Variants in TMEM163 observed in about 807,000 individuals in gnomAD.
TMEM163 encodes the protein transmembrane protein 163.
Under a neutral mutation model 29.3 loss-of-function variants are expected in TMEM163, and 17 were observed. The ratio of observed to expected loss-of-function variants is 0.58; its 90% CI spans 0.40 to 0.87. The LOEUF is 0.87. Among genes scored for constraint, TMEM163 ranks in the 40% least tolerant of loss-of-function variants. TMEM163 has a pLI of 0.00. For synonymous variants in TMEM163, 157 were observed against 160.6 expected (o/e 0.98, Z 0.17); for missense variants, 303 against 381.5 (o/e 0.79, Z 1.71).
intron 2 of TMEM163, among the ~76,000 whole-genome samples, chr2:134,588,629 C>T (rs532728638): frequency 6.6e-6 from 1 of 152,228 alleles, no homozygotes; most frequent in East Asian, 1.9e-4. Context: ...TATTAGATGC[C>T]TGCTCTATAC....
intron 2 of TMEM163, among the ~76,000 whole-genome samples, chr2:134,674,501 G>A (rs549344848): frequency 3.3e-4 from 29 of 87,310 alleles, no homozygotes; most frequent in South Asian, 1.1e-3. Context: ...GCGCGCGCGC[G>A]CGCGCGCGCT....
rs1256979360 is a variant in TMEM163, at chr2:134,565,430, A to G, written c.323-13339T>C. Among the ~76,000 whole-genome samples, 3 of 151,902 alleles carry G rather than the reference A, an allele frequency of 2.0e-5. No homozygotes were observed. In the South Asian group the frequency reaches 6.2e-4, roughly 32 times the overall value. ...AGACCAGCCTGGCCAACATGGTGAA[A>G]CCTCGTCTCTACTGAAAATACAAAA... On this transcript the variant is annotated intron_variant, in intron 2 of 7. Coordinates refer to ENST00000281924, the MANE Select transcript of TMEM163 (RefSeq NM_030923.5).
At chr2:134,657,515 A>T (rs767141389) in intron 2 of TMEM163, among the ~76,000 whole-genome samples, 4 of 151,760 alleles carry the variant, frequency 2.6e-5, no homozygotes, top group Admixed American at 6.5e-5. Context: ...AAAGATGGGA[A>T]CAACAGGCTG....
intron 5 of TMEM163, among the ~76,000 whole-genome samples, chr2:134,470,882 C>A (rs1467521518): frequency 2.6e-5 from 4 of 152,238 alleles, no homozygotes; most frequent in African/African-American, 9.6e-5. Flanking sequence ...CTCAAGACAT[C>A]AGTACCTGGC....
intron 2 of TMEM163, among the ~76,000 whole-genome samples, chr2:134,640,305 G>A (rs1013766593): frequency 6.6e-6 from 1 of 151,624 alleles, no homozygotes; most frequent in East Asian, 1.9e-4. Context: ...CTCCCCTCAC[G>A]CCCAACCCCA....
At chr2:134,663,038 G>A (rs975891544) in intron 2 of TMEM163, among the ~76,000 whole-genome samples, 2 of 152,178 alleles carry the variant, frequency 1.3e-5, no homozygotes, top group Non-Finnish European at 2.9e-5. Context: ...CTTGAGTTGG[G>A]TCTGCAGGAC....
chr2:134,519,758 G>A (rs1483057042), intron 4 of TMEM163, among the ~76,000 whole-genome samples: 2 of 151,508 alleles, frequency 1.3e-5, no homozygotes, highest in Non-Finnish European at 1.5e-5. Flanking sequence ...AGGCGTGGTG[G>A]TATACGCCTG....
chr2:134,598,240 GTCCT>G (rs1181026871), intron 2 of TMEM163, among the ~76,000 whole-genome samples: 1 of 152,098 alleles, frequency 6.6e-6, no homozygotes, highest in Non-Finnish European at 1.5e-5. Flanking sequence ...TACTCACTTG[GTCCT>G]TCCTTCATTT....
intron 2 of TMEM163, among the ~76,000 whole-genome samples, chr2:134,701,367 C>T (rs533816432): frequency 6.6e-6 from 1 of 152,240 alleles, no homozygotes; most frequent in Non-Finnish European, 1.5e-5. Flanking sequence ...CCTCAGGACA[C>T]CCAATAAAAC....
intron 2 of TMEM163, among the ~76,000 whole-genome samples, chr2:134,688,431 T>A (rs971858724): frequency 9.2e-5 from 14 of 152,186 alleles, no homozygotes; most frequent in Admixed American, 2.6e-4. Context: ...TATGACAAAT[T>A]AGAAATAATC....
At chr2:134,621,301 A>G (rs1253772516) in intron 2 of TMEM163, among the ~76,000 whole-genome samples, 1 of 152,246 alleles carries the variant, frequency 6.6e-6, no homozygotes, top group Non-Finnish European at 1.5e-5. Context: ...TAGCATGGCT[A>G]TAATCAAAAG....
chr2:134,558,100 C>T lies in TMEM163; in HGVS notation c.323-6009G>A, dbSNP rs1461450284. ...GATACATATCTGGGACTAGGCTGCA[C>T]TGTGAGTTCACAAATGCTCTAACAG... On this transcript the variant is annotated intron_variant, in intron 2 of 7. Transcript: ENST00000281924. Among the ~76,000 whole-genome samples the T allele has an allele frequency of 3.3e-5, 5 of 152,284 alleles. No homozygotes were observed. In the East Asian group the frequency reaches 7.7e-4, roughly 24 times the overall value.
At chr2:134,516,728 TA>T (rs200046278) in intron 4 of TMEM163, among the ~76,000 whole-genome samples, 15 of 123,518 alleles carry the variant, frequency 1.2e-4, no homozygotes, top group South Asian at 8.3e-4. Context: ...TATTCATATA[TA>T]TGCATATATA....
intron 2 of TMEM163, among the ~76,000 whole-genome samples, chr2:134,589,786 T>G (rs1020589802): frequency 1.3e-5 from 2 of 152,228 alleles, no homozygotes; most frequent in Non-Finnish European, 2.9e-5. Flanking sequence ...TTTCACTTCA[T>G]GGACTCGCCC....
chr2:134,652,158 T>C lies in TMEM163; in HGVS notation c.322+61042A>G, dbSNP rs1405254954. Among the ~76,000 whole-genome samples the C allele has an allele frequency of 1.6e-5, 2 of 127,648 alleles. 1 individual carries two copies. The highest frequency in any genetic ancestry group is 7.2e-5 in the African/African-American group (2 of 27,824). 83.7% of individuals were successfully genotyped at this position (127,648 alleles called of 152,430 possible). Reference sequence around the variant, plus strand: ...GGCAGTATGGCCATTTTCACGATATTGATTCTTCCTACCCATGAGCATGCA... The same window carrying C: ...GGCAGTATGGCCATTTTCACGATATCGATTCTTCCTACCCATGAGCATGCA... On this transcript the variant is annotated intron_variant, in intron 2 of 7. Coordinates refer to ENST00000281924, the MANE Select transcript of TMEM163 (RefSeq NM_030923.5).
rs1680772958 is a variant in TMEM163 at position 134,545,979 on chromosome 2, G to A, written c.458+4591C>T. The stretch of plus-strand genomic sequence containing the variant: ...TTGCTTGTAAACATAACTTTCCCTT[G>A]CCCCTCCTTCTATATTACCTGTTGA... On this transcript the variant is annotated intron_variant, in intron 4 of 7. Coordinates refer to ENST00000281924, the MANE Select transcript of TMEM163 (RefSeq NM_030923.5). Among the ~76,000 whole-genome samples the A allele has an allele frequency of 1.3e-5, 2 of 151,786 alleles. 1 individual carries two copies. The highest frequency in any genetic ancestry group is 3.9e-4 in the East Asian group (2 of 5,178).
chr2:134,689,879 G>A (rs1311938137), intron 2 of TMEM163, among the ~76,000 whole-genome samples: 1 of 152,178 alleles, frequency 6.6e-6, no homozygotes, highest in African/African-American at 2.4e-5. Context: ...ACGGCATGCA[G>A]AGCCCAAAAG....
At chr2:134,459,289 A>G in intron 6 of TMEM163, 1 of 152,320 alleles carries the variant, frequency 6.6e-6, no homozygotes, top group East Asian at 1.9e-4. Flanking sequence ...CGGACCTGCA[A>G]GGGCACCCCA....
intron 4 of TMEM163, among the ~76,000 whole-genome samples, chr2:134,542,527 G>T (rs536195683): frequency 2.6e-5 from 4 of 152,182 alleles, no homozygotes; most frequent in Non-Finnish European, 4.4e-5. Context: ...CCCGTCACTC[G>T]CATTACCGCC....
Sources: gnomAD v4.1 joint callset for allele counts (sites outside exome capture counted in the v4.1 genomes callset) on GRCh38, gnomAD v4.1.1 for gene constraint, MANE v1.5 for transcripts, NCBI Gene and HGNC (gene_info 2026-07-23, HGNC 2026-07-21) for gene names.